FRMD3: variants seen among roughly 807,000 people sequenced by gnomAD.
The protein encoded by FRMD3 is FERM domain containing 3, also known as FERM domain-containing protein 3.
A neutral mutation model predicts 70.2 loss-of-function variants in FRMD3; 33 were observed. The ratio of observed to expected loss-of-function variants is 0.47; its 90% CI spans 0.36 to 0.63. The LOEUF (loss-of-function observed/expected upper bound fraction) is 0.63, where lower values mean the gene tolerates loss of function less well. FRMD3 is among the 20% of genes least tolerant of loss of function. The pLI, the probability that FRMD3 is intolerant of heterozygous loss-of-function variation, is 0.00. For missense variants in FRMD3, 632 were observed against 711.4 expected, an observed-to-expected ratio of 0.89 and a Z score of 1.27; for synonymous variants, 279 against 255.9, an observed-to-expected ratio of 1.09 and a Z score of -0.86.
chr9:83,349,515 A>G (rs1161706937), intron 4 of FRMD3, among the ~76,000 whole-genome samples, 164 bp downstream of exon 4: 2 of 152,154 alleles, frequency 1.3e-5, no homozygotes, highest in African/African-American at 2.4e-5. Flanking sequence ...AAAAATCCCA[A>G]AACAATTCAG....
In FRMD3 at chr9:83,538,324, CCTGGGCGCGG is replaced by C; in HGVS notation, c.-103_-94del. The stretch of plus-strand genomic sequence containing the variant: ...ACGCTCGCACGCACTGTCCGGGACA[CCTGGGCGCGG>C]CTCAGCCCCGGGACATCGGCAGCGT... On this transcript the variant is annotated 5_prime_UTR_variant, in exon 1 of 14. Transcript: ENST00000304195. The surrounding 1 kb of genome is among the most constrained non-coding windows in gnomAD (Gnocchi z 4.7). 8.0e-7 allele frequency: 1 copy of C among 1,243,074 alleles called. No homozygotes were observed. The highest frequency in any genetic ancestry group is 1.1e-6 in the Non-Finnish European group (1 of 951,684). The allele number at this position is 1,243,074 out of a possible 1,614,324, so 77.0% of individuals were successfully genotyped here. A position where few individuals can be genotyped will look rare whatever the true frequency, so the allele number is the denominator to read the frequency against.
intron 13 of FRMD3, among the ~76,000 whole-genome samples, chr9:83,256,500 G>A (rs760645788): frequency 2.6e-5 from 4 of 152,034 alleles, no homozygotes; most frequent in Non-Finnish European, 2.9e-5. Flanking sequence ...CTATTGCAAC[G>A]AAAGCAAAAA....
intron 1 of FRMD3, among the ~76,000 whole-genome samples, chr9:83,453,971 T>A (rs559420749): frequency 9.9e-4 from 151 of 152,246 alleles, no homozygotes; most frequent in African/African-American, 3.5e-3. Context: ...TGCCTCGGCC[T>A]ACTAAAGTGC....
At chr9:83,363,715 C>A (rs556074178) in intron 3 of FRMD3, among the ~76,000 whole-genome samples, 11 of 152,028 alleles carry the variant, frequency 7.2e-5, no homozygotes, top group Admixed American at 1.3e-4. Context: ...CCACCTCGCC[C>A]GGCTAATTTT....
intron 1 of FRMD3, among the ~76,000 whole-genome samples, chr9:83,459,588 C>T (rs1051115814): frequency 1.3e-5 from 2 of 152,248 alleles, no homozygotes; most frequent in South Asian, 2.1e-4. Flanking sequence ...AATGAACACT[C>T]TCAGGGCCCA....
rs942320047 is a variant in FRMD3, at chr9:83,526,722, T to C, written c.147+11363A>G. ...GATGACGGCTGATTTTATTTTCTTT[T>C]GTATCTCTACTTCCAGCTCTGTGCT... On this transcript the variant is annotated intron_variant, in intron 1 of 13. Transcript: ENST00000304195. 2.0e-5 allele frequency among the ~76,000 whole-genome samples: 3 copies of C among 152,316 alleles called. No individual in the cohort carries two copies. In the East Asian group the frequency reaches 5.8e-4, roughly 29 times the overall value.
the FRMD3 span, among the ~76,000 whole-genome samples, chr9:83,579,077 A>C: frequency 6.6e-6 from 1 of 151,994 alleles, no homozygotes; most frequent in African/African-American, 2.4e-5. Flanking sequence ...CAAGAAAAAA[A>C]TTTAAACCTT....
At chr9:83,319,208 G>C (rs1188328210) in intron 6 of FRMD3, among the ~76,000 whole-genome samples, 1 of 151,962 alleles carries the variant, frequency 6.6e-6, no homozygotes, top group African/African-American at 2.4e-5. Flanking sequence ...AGTCCCATTT[G>C]CCTATTTTTG....
At chr9:83,432,318 T>G (rs1827005528) in intron 1 of FRMD3, among the ~76,000 whole-genome samples, 1 of 152,218 alleles carries the variant, frequency 6.6e-6, no homozygotes, top group African/African-American at 2.4e-5. Context: ...GAGCCAAGTC[T>G]GCCAGGTCAC....
intron 13 of FRMD3, among the ~76,000 whole-genome samples, chr9:83,285,245 AAC>A (rs1357513307): frequency 2.0e-5 from 3 of 152,278 alleles, no homozygotes; most frequent in South Asian, 2.1e-4. Context: ...ACTCGGCACA[AAC>A]ACGCGCAAAC....
At chr9:83,561,301 T>C in the FRMD3 span, among the ~76,000 whole-genome samples, 1 of 152,094 alleles carries the variant, frequency 6.6e-6, no homozygotes, top group African/African-American at 2.4e-5. Flanking sequence ...TCTTGCTGAA[T>C]TTTTTTTACA....
At chr9:83,512,466 T>C (rs1259949537) in intron 1 of FRMD3, among the ~76,000 whole-genome samples, 1 of 152,200 alleles carries the variant, frequency 6.6e-6, no homozygotes, top group East Asian at 1.9e-4. Flanking sequence ...AAGACTCACA[T>C]AGTGTGTGTC....
At chr9:83,550,141 T>G in the FRMD3 span, among the ~76,000 whole-genome samples, 1 of 152,088 alleles carries the variant, frequency 6.6e-6, no homozygotes, top group African/African-American at 2.4e-5. Flanking sequence ...ATGTAAGGAA[T>G]GGGTCCAGCT....
intron 6 of FRMD3, among the ~76,000 whole-genome samples, chr9:83,326,671 G>A (rs1245801604): frequency 6.6e-6 from 1 of 152,140 alleles, no homozygotes; most frequent in Non-Finnish European, 1.5e-5. Flanking sequence ...ATCTCCCACT[G>A]GGCATCTGTT....
intron 1 of FRMD3, among the ~76,000 whole-genome samples, chr9:83,508,767 C>G (rs78709335): frequency 6.6e-6 from 1 of 152,142 alleles, no homozygotes; most frequent in Admixed American, 6.5e-5. Flanking sequence ...CAGCCTTCAC[C>G]TATTTCTGAA....
intron 1 of FRMD3, among the ~76,000 whole-genome samples, chr9:83,445,341 A>AACAG (rs1827423893): frequency 6.8e-6 from 1 of 146,542 alleles, no homozygotes; most frequent in Non-Finnish European, 1.5e-5. Context: ...CTCAAAAATA[A>AACAG]ATAGATAGAT....
At chr9:83,298,313 G>T (rs923411217) in intron 12 of FRMD3, among the ~76,000 whole-genome samples, 3 of 152,214 alleles carry the variant, frequency 2.0e-5, no homozygotes, top group Non-Finnish European at 4.4e-5. Flanking sequence ...CAATGACTAA[G>T]TCCTTCATTC....
At chr9:83,583,799 G>A in the FRMD3 span, among the ~76,000 whole-genome samples, 1 of 152,034 alleles carries the variant, frequency 6.6e-6, no homozygotes, top group African/African-American at 2.4e-5. Context: ...TGTAGAGATG[G>A]GGTCTCACTA....
intron 1 of FRMD3, among the ~76,000 whole-genome samples, chr9:83,461,578 A>C (rs748661082): frequency 6.6e-6 from 1 of 151,762 alleles, no homozygotes. Context: ...GTCCAAGAAA[A>C]AGCAGCATAT....
Sources: allele counts gnomAD v4.1 joint callset (sites outside exome capture counted in the v4.1 genomes callset), GRCh38; gene constraint gnomAD v4.1.1; non-coding constraint Gnocchi (gnomAD v3.1); transcripts MANE v1.5; gene names NCBI Gene and HGNC (gene_info 2026-07-23, HGNC 2026-07-21).